PLA2R1: variants seen among roughly 807,000 people sequenced by gnomAD.
PLA2R1 encodes phospholipase A2 receptor 1, also known as secretory phospholipase A2 receptor.
A neutral mutation model predicts 195.9 loss-of-function variants in PLA2R1; 158 were observed. The observed-to-expected ratio is 0.81, with a 90% confidence interval of 0.71 to 0.92. The LOEUF is 0.92. PLA2R1 is among the 40% of genes least tolerant of loss of function. The pLI is 0.00. For missense variants in PLA2R1, 1,626 were observed against 1,764.6 expected (o/e 0.92, Z 1.41); for synonymous variants, 586 against 598.2 (o/e 0.98, Z 0.30).
At chr2:160,034,154 AT>A (rs1694029943) in intron 3 of PLA2R1, among the ~76,000 whole-genome samples, 1 of 152,238 alleles carries the variant, frequency 6.6e-6, no homozygotes, top group African/African-American at 2.4e-5. Context: ...CTTCAAACTT[AT>A]TTGACAATAA....
intron 1 of PLA2R1, among the ~76,000 whole-genome samples, chr2:160,055,307 G>T (rs1456850695): frequency 6.6e-6 from 1 of 152,166 alleles, no homozygotes; most frequent in Non-Finnish European, 1.5e-5. Context: ...AGTCAAGAAG[G>T]CTGGCATGAT....
intron 1 of PLA2R1, among the ~76,000 whole-genome samples, chr2:160,051,573 G>T (rs796517854): frequency 7.9e-5 from 12 of 152,164 alleles, no homozygotes; most frequent in African/African-American, 2.9e-4. Context: ...TCACAAATTT[G>T]GGTTTGTCTT....
intron 22 of PLA2R1, 88 bp downstream of exon 22, chr2:159,955,610 T>A (rs1688035825): frequency 1.8e-6 from 1 of 565,488 alleles, no homozygotes; most frequent in African/African-American, 2.0e-5. Flanking sequence ...ACCTACAAAA[T>A]ATAGGAAATA....
At chr2:159,968,498 C>G (rs1405193278) in intron 19 of PLA2R1, among the ~76,000 whole-genome samples, 1 of 152,204 alleles carries the variant, frequency 6.6e-6, no homozygotes, top group Non-Finnish European at 1.5e-5. Context: ...GTGACACCTG[C>G]TGGTAAAAGC....
chr2:159,957,378 G>A (rs1688159713), intron 20 of PLA2R1, among the ~76,000 whole-genome samples: 1 of 152,058 alleles, frequency 6.6e-6, no homozygotes, highest in East Asian at 1.9e-4. Context: ...TTTTTGAGAT[G>A]GAGTCTTGCT....
At chr2:160,037,789 T>C (rs766656785) in intron 3 of PLA2R1, among the ~76,000 whole-genome samples, 1 of 152,166 alleles carries the variant, frequency 6.6e-6, no homozygotes, top group Non-Finnish European at 1.5e-5. Flanking sequence ...AAATACAACT[T>C]CCTCAGGAAA....
chr2:159,993,650 T>C (rs1463161736), intron 11 of PLA2R1, among the ~76,000 whole-genome samples: 2 of 151,970 alleles, frequency 1.3e-5, no homozygotes, highest in African/African-American at 4.8e-5. Context: ...TATCTTGTCA[T>C]ACCAGATAGC....
intron 9 of PLA2R1, among the ~76,000 whole-genome samples, chr2:160,015,117 G>C (rs908721047): frequency 1.3e-5 from 2 of 152,146 alleles, no homozygotes; most frequent in African/African-American, 4.8e-5. Context: ...CAATGAATAC[G>C]GGAAGGATAA....
chr2:160,023,161 A>G (rs1693254708), intron 6 of PLA2R1, among the ~76,000 whole-genome samples: 1 of 152,206 alleles, frequency 6.6e-6, no homozygotes, highest in African/African-American at 2.4e-5. Context: ...CACCTGTGTC[A>G]GAGGCCTTTG....
chr2:159,938,339 G>A lies in PLA2R1; in HGVS notation c.*3439C>T, dbSNP rs1352815480. The A allele has an allele frequency of 6.6e-6, 1 of 152,304 alleles. No homozygotes were observed. The highest frequency in any genetic ancestry group is 1.5e-5 in the Non-Finnish European group (1 of 68,088). 9.4% of individuals were successfully genotyped at this position (152,304 alleles called of 1,614,324 possible). A position where few individuals can be genotyped will look rare whatever the true frequency, so the allele number is the denominator to read the frequency against. On this transcript the variant is annotated 3_prime_UTR_variant, in exon 30 of 30. Transcript: ENST00000283243. ...TGAACAGAGCAAAGTCCTCTTGCCA[G>A]CCCATGCAGGTGTGGGTGAGAAATA...
intron 8 of PLA2R1, 103 bp downstream of exon 8, chr2:160,020,003 G>A (rs1292980169): frequency 2.1e-5 from 15 of 719,808 alleles, no homozygotes; most frequent in Non-Finnish European, 2.8e-5. Flanking sequence ...TGAGGAACAG[G>A]GACTGCACCT....
At chr2:160,034,046 A>G (rs1410850424) in intron 3 of PLA2R1, among the ~76,000 whole-genome samples, 1 of 152,230 alleles carries the variant, frequency 6.6e-6, no homozygotes, top group Non-Finnish European at 1.5e-5. Context: ...CACAATGCAT[A>G]CATAGCGTTC....
intron 1 of PLA2R1, among the ~76,000 whole-genome samples, chr2:160,057,721 T>C (rs1400537665): frequency 1.3e-5 from 2 of 152,194 alleles, no homozygotes; most frequent in East Asian, 1.9e-4. Context: ...TCTCAGCCTC[T>C]TGGGGCCAGT....
chr2:159,971,697 T>A (rs1307763219), intron 17 of PLA2R1, among the ~76,000 whole-genome samples: 1 of 152,196 alleles, frequency 6.6e-6, no homozygotes, highest in African/African-American at 2.4e-5. Context: ...GAAGGCATTA[T>A]ATATTTAAAT....
chr2:159,979,452 G>A (rs1029141835), intron 14 of PLA2R1, among the ~76,000 whole-genome samples: 1 of 152,060 alleles, frequency 6.6e-6, no homozygotes, highest in Admixed American at 6.5e-5. Context: ...ATTTCATTAT[G>A]ACATGGACAA....
At chr2:159,953,309 A>G (rs1397073109) in intron 23 of PLA2R1, among the ~76,000 whole-genome samples, 1 of 152,238 alleles carries the variant, frequency 6.6e-6, no homozygotes, top group East Asian at 1.9e-4. Context: ...CTTCTTATTC[A>G]GTTTCTTAAT....
chr2:159,977,523 G>A, intron 14 of PLA2R1, 107 bp from the exon 15 acceptor site: 1 of 841,492 alleles, frequency 1.2e-6, no homozygotes, highest in Non-Finnish European at 1.8e-6. Flanking sequence ...ACTCCAGGAA[G>A]CTTCAGAAAT....
intron 20 of PLA2R1, among the ~76,000 whole-genome samples, 155 bp from the exon 21 acceptor site, chr2:159,956,782 C>T (rs1459363907): frequency 1.3e-5 from 2 of 152,142 alleles, no homozygotes; most frequent in Non-Finnish European, 2.9e-5. Context: ...AAAGGTGTTA[C>T]AGTAAAACAA....
intron 3 of PLA2R1, among the ~76,000 whole-genome samples, chr2:160,035,026 T>C (rs1040495903): frequency 6.6e-6 from 1 of 152,252 alleles, no homozygotes; most frequent in African/African-American, 2.4e-5. Context: ...AGGCTATGGG[T>C]ATAATGTATA....
Sources: gnomAD v4.1 joint callset for allele counts (sites outside exome capture counted in the v4.1 genomes callset) on GRCh38, gnomAD v4.1.1 for gene constraint, MANE v1.5 for transcripts, NCBI Gene and HGNC (gene_info 2026-07-23, HGNC 2026-07-21) for gene names.